PHACTR2: variants seen among roughly 807,000 people sequenced by gnomAD.
PHACTR2 encodes phosphatase and actin regulator 2, also known as chromosome 6 open reading frame 56.
A neutral mutation model predicts 76.0 loss-of-function variants in PHACTR2; 30 were observed. The ratio of observed to expected loss-of-function variants is 0.39; its 90% CI spans 0.30 to 0.54. The LOEUF (loss-of-function observed/expected upper bound fraction) is 0.54. PHACTR2 is among the 20% of genes least tolerant of loss of function. PHACTR2 has a pLI of 0.61. For synonymous variants in PHACTR2, 292 were observed against 292.5 expected, an observed-to-expected ratio of 1.00 and a Z score of 0.02; for missense variants, 696 against 781.1, an observed-to-expected ratio of 0.89 and a Z score of 1.30.
Position 143,710,202 on chromosome 6 carries a change from G to A in PHACTR2, c.47-1814G>A, listed in dbSNP as rs1778144385. Among the ~76,000 whole-genome samples, 1 of 152,036 alleles carries A rather than the reference G, an allele frequency of 6.6e-6. No individual in the cohort carries two copies. Among genetic ancestry groups the A allele is most frequent in the Admixed American group, 6.5e-5 (1 of 15,270 alleles). On this transcript the variant is annotated intron_variant, in intron 1 of 12. Transcript: ENST00000440869. This position sits in a 1 kb window ranked among gnomAD's most constrained non-coding sequence, Gnocchi z 4.9. ...CTTCCATGCTTGTTGGCCTTTCGAG[G>A]TTTCTTACTTCTTCAGCTACGAGTC...
chr6:143,712,333 A>C (rs1316683238), intron 2 of PHACTR2, 150 bp downstream of exon 2: 1 of 447,468 alleles, frequency 2.2e-6, no homozygotes. Context: ...AATAAGGATG[A>C]AACAACTTAA....
In PHACTR2 at chr6:143,633,073, T is replaced by TATAAAC. The variant is rs1227956508; in HGVS notation, c.13+24751_13+24752insATAAAC. Among the ~76,000 whole-genome samples, 1 of 152,232 alleles carries TATAAAC rather than the reference T, an allele frequency of 6.6e-6. No homozygotes were observed. Among genetic ancestry groups the TATAAAC allele is most frequent in the Non-Finnish European group, 1.5e-5 (1 of 68,042 alleles). On this transcript the variant is annotated intron_variant, in intron 1 of 11. Transcript: ENST00000305766. The surrounding 1 kb of genome is among the most constrained non-coding windows in gnomAD (Gnocchi z 4.1). ...TGAATGAAGCTGCTATAAACATCTG[T>TATAAAC]GTGCAGGGCTTTTTGCTGACATAAT... is the stretch of plus-strand genomic sequence containing the variant.
intron 1 of PHACTR2, among the ~76,000 whole-genome samples, chr6:143,601,812 T>C (rs1318455837): frequency 6.6e-6 from 1 of 152,218 alleles, no homozygotes; most frequent in African/African-American, 2.4e-5. Context: ...CTTAAAATAT[T>C]TTGGAATTCA....
In PHACTR2 at chr6:143,653,134, G is replaced by A. The variant is rs1776792360; in HGVS notation, c.13+44812G>A. On this transcript the variant is annotated intron_variant, in intron 1 of 11. Transcript: ENST00000305766. This position sits in a 1 kb window ranked among gnomAD's most constrained non-coding sequence, Gnocchi z 4.9. ...GCCTCTGTCCCCAGGTGTCTCAGAA[G>A]TAATCCTAATCATTGAACTTTGGCC... Among the ~76,000 whole-genome samples the A allele has an allele frequency of 6.6e-6, 1 of 152,194 alleles. No individual in the cohort carries two copies. The highest frequency in any genetic ancestry group is 1.9e-4 in the East Asian group (1 of 5,192).
chr6:143,655,241 T>C (rs1025777371), intron 1 of PHACTR2, among the ~76,000 whole-genome samples: 4 of 152,012 alleles, frequency 2.6e-5, no homozygotes, highest in African/African-American at 4.8e-5. Context: ...TATGATTCTA[T>C]TTATATGAAA....
intron 1 of PHACTR2, among the ~76,000 whole-genome samples, chr6:143,649,520 A>T (rs1280671634): frequency 2.6e-5 from 4 of 152,236 alleles, no homozygotes; most frequent in Non-Finnish European, 5.9e-5. Context: ...CATCCTCAGG[A>T]TGCAAGGTTG....
At chr6:143,715,952 G>A (rs891411792) in intron 2 of PHACTR2, among the ~76,000 whole-genome samples, 4 of 152,164 alleles carry the variant, frequency 2.6e-5, no homozygotes, top group Admixed American at 2.0e-4. Context: ...CTCAATTAGT[G>A]CAACGTAGCT....
upstream of PHACTR2, among the ~76,000 whole-genome samples, chr6:143,606,181 G>A (rs1775866168): frequency 6.6e-6 from 1 of 152,202 alleles, no homozygotes; most frequent in South Asian, 2.1e-4. Flanking sequence ...TTTGCTCTAA[G>A]TGGAATAAGT....
At position 143,550,780 on chromosome 6, in the gene PHACTR2, T is replaced by C. The variant is rs1775084734; in HGVS notation, c.217+13573T>C. 6.6e-6 allele frequency among the ~76,000 whole-genome samples: 1 copy of C among 151,662 alleles called. No individual in the cohort carries two copies. The highest frequency in any genetic ancestry group is 1.5e-5 in the Non-Finnish European group (1 of 67,976). On this transcript the variant is annotated intron_variant, in intron 1 of 11. Transcript: ENST00000367584. The surrounding 1 kb of genome is among the most constrained non-coding windows in gnomAD (Gnocchi z 4.8). The stretch of plus-strand genomic sequence containing the variant: ...AGGGGCGAGTGCGGTGGCTCACGCC[T>C]GTAATCCTAGCACTTTAGGAGGCCT...
Position 143,821,498 on chromosome 6 carries a change from C to G in PHACTR2, c.1923-2176C>G, listed in dbSNP as rs138926552. Among the ~76,000 whole-genome samples the G allele has an allele frequency of 3.0e-4, 46 of 152,336 alleles. No individual in the cohort carries two copies. Among genetic ancestry groups the G allele is most frequent in the African/African-American group, 1.1e-3 (45 of 41,568 alleles). ...ATGTAAAAATGGATAAGAAAGTTTC[C>G]TTCCTCAGCTTCTCATGATCCAATA... is the stretch of plus-strand genomic sequence containing the variant. On this transcript the variant is annotated intron_variant, in intron 12 of 12. Coordinates refer to ENST00000440869, the MANE Select transcript of PHACTR2 (RefSeq NM_001100164.2). This position sits in a 1 kb window ranked among gnomAD's most constrained non-coding sequence, Gnocchi z 5.2.
In PHACTR2 at chr6:143,816,725, A is replaced by G. The variant is rs942035843; in HGVS notation, c.1923-6949A>G. 1.3e-5 allele frequency among the ~76,000 whole-genome samples: 2 copies of G among 151,988 alleles called. No homozygotes were observed. Among genetic ancestry groups the G allele is most frequent in the African/African-American group, 4.8e-5 (2 of 41,398 alleles). ...CTTACACTGTCCTCAGTTATTTTTGAAAATTAAATACAGAATACTTTCCAG... is the reference window on the plus strand; with the variant it reads ...CTTACACTGTCCTCAGTTATTTTTGGAAATTAAATACAGAATACTTTCCAG... On this transcript the variant is annotated intron_variant, in intron 12 of 12. Transcript: ENST00000440869. This position sits in a 1 kb window ranked among gnomAD's most constrained non-coding sequence, Gnocchi z 4.5.
In PHACTR2 at chr6:143,751,337, T is replaced by G. The variant is rs1162357319; in HGVS notation, c.295+2272T>G. ...ACCTTCAACCTAAAAGTTCAGTGAT[T>G]CGTCTTCTCTCCTGGGAAGTCTATG... On this transcript the variant is annotated intron_variant, in intron 3 of 12. Coordinates refer to ENST00000440869, the MANE Select transcript of PHACTR2 (RefSeq NM_001100164.2). This position sits in a 1 kb window ranked among gnomAD's most constrained non-coding sequence, Gnocchi z 5.7. 6.6e-6 allele frequency among the ~76,000 whole-genome samples: 1 copy of G among 152,184 alleles called. No individual in the cohort carries two copies. Among genetic ancestry groups the G allele is most frequent in the Non-Finnish European group, 1.5e-5 (1 of 68,026 alleles).
rs989921404 is a variant in PHACTR2 at position 143,591,755 on chromosome 6, T to C, written c.217+54548T>C. On this transcript the variant is annotated intron_variant, in intron 1 of 11. Transcript: ENST00000367584. The surrounding 1 kb of genome is among the most constrained non-coding windows in gnomAD (Gnocchi z 6.4). ...CCCTGCTCTGGGCGCCACCTTGGCCTCCTCCAATTATCCATCTCTCCCAGG... is the reference window on the plus strand; with the variant it reads ...CCCTGCTCTGGGCGCCACCTTGGCCCCCTCCAATTATCCATCTCTCCCAGG... 6.6e-6 allele frequency among the ~76,000 whole-genome samples: 1 copy of C among 152,190 alleles called. No homozygotes were observed. Among genetic ancestry groups the C allele is most frequent in the African/African-American group, 2.4e-5 (1 of 41,450 alleles).
At chr6:143,620,781 C>T (rs186032124) in intron 1 of PHACTR2, among the ~76,000 whole-genome samples, 22 of 152,310 alleles carry the variant, frequency 1.4e-4, no homozygotes, top group Admixed American at 1.2e-3. Flanking sequence ...AAGCCAGGCA[C>T]AGTTTACCCT....
At position 143,641,690 on chromosome 6, in the gene PHACTR2, G is replaced by C. The variant is rs988624649; in HGVS notation, c.13+33368G>C. 6.6e-6 allele frequency among the ~76,000 whole-genome samples: 1 copy of C among 152,092 alleles called. No individual in the cohort carries two copies. Among genetic ancestry groups the C allele is most frequent in the East Asian group, 1.9e-4 (1 of 5,180 alleles). On this transcript the variant is annotated intron_variant, in intron 1 of 11. Transcript: ENST00000305766. This position sits in a 1 kb window ranked among gnomAD's most constrained non-coding sequence, Gnocchi z 5.8. ...CCCAGCTAATTTTGTATTTTGAATA[G>C]AGACGGGGTTTCTCCATGTTGGTCA...
At position 143,827,334 on chromosome 6, in the gene PHACTR2, CA is replaced by C. The variant is rs1407092853; in HGVS notation, c.*3650del. ...CATAGAATCAGACAGACACAACTTT[CA>C]AAAATCTTACTGTATTCACAATAGA... On this transcript the variant is annotated 3_prime_UTR_variant, in exon 13 of 13. Transcript: ENST00000440869. 6.6e-6 allele frequency: 1 copy of C among 151,402 alleles called. No homozygotes were observed. Among genetic ancestry groups the C allele is most frequent in the Admixed American group, 6.6e-5 (1 of 15,208 alleles). 9.4% of individuals were successfully genotyped at this position (151,402 alleles called of 1,614,324 possible). A position where few individuals can be genotyped will look rare whatever the true frequency, so the allele number is the denominator to read the frequency against.
intron 1 of PHACTR2, among the ~76,000 whole-genome samples, chr6:143,631,739 A>G (rs936423750): frequency 2.6e-5 from 4 of 152,202 alleles, no homozygotes; most frequent in African/African-American, 9.6e-5. Flanking sequence ...AACCCTGTGC[A>G]CATTCTAGGA....
In PHACTR2 at chr6:143,783,353, C is replaced by T; in HGVS notation, c.1707+73C>T. 1.2e-6 allele frequency: 1 copy of T among 817,236 alleles called. No individual in the cohort carries two copies. Among genetic ancestry groups the T allele is most frequent in the Admixed American group, 2.1e-5 (1 of 47,434 alleles). The allele number at this position is 817,236 out of a possible 1,614,324, so 50.6% of individuals were successfully genotyped here. A position where few individuals can be genotyped will look rare whatever the true frequency, so the allele number is the denominator to read the frequency against. ...TTTTAAAAAAAAATACTAATCCTCT[C>T]TGTATGTGTAAATCAGATGTTTAGA... On this transcript the variant is annotated intron_variant, in intron 10 of 12. Coordinates refer to ENST00000440869, the MANE Select transcript of PHACTR2 (RefSeq NM_001100164.2). This position sits in a 1 kb window ranked among gnomAD's most constrained non-coding sequence, Gnocchi z 5.2.
rs1777601813 is a variant in PHACTR2 at position 143,689,858 on chromosome 6, A to G, written c.46+11649A>G. Among the ~76,000 whole-genome samples the G allele has an allele frequency of 2.0e-5, 3 of 151,982 alleles. No homozygotes were observed. The South Asian group carries it at 6.3e-4, about 32-fold the overall frequency. The stretch of plus-strand genomic sequence containing the variant: ...CAGGCACCTGCCACCACGCCCGGCT[A>G]ATTTTTGTATTTTTAGTAGCGACAG... On this transcript the variant is annotated intron_variant, in intron 1 of 12. Transcript: ENST00000440869. The surrounding 1 kb of genome is among the most constrained non-coding windows in gnomAD (Gnocchi z 4.4).
Sources: allele counts gnomAD v4.1 joint callset (sites outside exome capture counted in the v4.1 genomes callset), GRCh38; gene constraint gnomAD v4.1.1; non-coding constraint Gnocchi (gnomAD v3.1); transcripts MANE v1.5; gene names NCBI Gene and HGNC (gene_info 2026-07-23, HGNC 2026-07-21).